Variants in PACSIN1 observed in about 807,000 individuals in gnomAD.
The protein encoded by PACSIN1 is protein kinase C and casein kinase substrate in neurons protein 1.
In PACSIN1, 15 loss-of-function variants were observed where a neutral mutation model predicts 59.5. That is an observed-to-expected ratio of 0.25 (90% CI 0.17 to 0.39). The LOEUF (loss-of-function observed/expected upper bound fraction) is 0.39. Ranked by LOEUF, PACSIN1 falls within the 10% of genes least tolerant of loss-of-function variation. The pLI, the probability that PACSIN1 is intolerant of heterozygous loss-of-function variation, is 1.00. For synonymous variants in PACSIN1, 210 were observed against 220.6 expected (o/e 0.95, Z 0.42); for missense variants, 420 against 580.2 (o/e 0.72, Z 2.84).
chr6:34,521,976 G>C lies in PACSIN1; in HGVS notation c.-63-4267G>C, dbSNP rs183287774. Among the ~76,000 whole-genome samples, 1 of 152,206 alleles carries C rather than the reference G, an allele frequency of 6.6e-6. No homozygotes were observed. Among genetic ancestry groups the C allele is most frequent in the African/African-American group, 2.4e-5 (1 of 41,442 alleles). On this transcript the variant is annotated intron_variant, in intron 1 of 9. Coordinates refer to ENST00000244458, the MANE Select transcript of PACSIN1 (RefSeq NM_020804.5). This position sits in a 1 kb window ranked among gnomAD's most constrained non-coding sequence, Gnocchi z 4.3. ...CCTACTCTGCGCTGCACAGGCCCCA[G>C]GGTCAAGTCCTTACTCTGCCACCTG... is the stretch of plus-strand genomic sequence containing the variant.
In PACSIN1 at chr6:34,521,009, G is replaced by A. The variant is rs530122955; in HGVS notation, c.-63-5234G>A. ...CTGTTTATTAAGTGAATGTTAGAAG[G>A]TCCTTGGCATTTATTCATTCATTCA... On this transcript the variant is annotated intron_variant, in intron 1 of 9. Coordinates refer to ENST00000244458, the MANE Select transcript of PACSIN1 (RefSeq NM_020804.5). This position sits in a 1 kb window ranked among gnomAD's most constrained non-coding sequence, Gnocchi z 4.3. Among the ~76,000 whole-genome samples the A allele has an allele frequency of 6.6e-6, 1 of 152,320 alleles. No homozygotes were observed. The highest frequency in any genetic ancestry group is 1.5e-5 in the Non-Finnish European group (1 of 68,026).
chr6:34,510,356 A>T (rs1422897157), intron 1 of PACSIN1, among the ~76,000 whole-genome samples: 1 of 152,222 alleles, frequency 6.6e-6, no homozygotes, highest in African/African-American at 2.4e-5. Flanking sequence ...TTAGAATAAA[A>T]TTCAGAGTCC....
At position 34,488,858 on chromosome 6, in the gene PACSIN1, C is replaced by A. The variant is rs1766830139; in HGVS notation, c.-64+22588C>A. Among the ~76,000 whole-genome samples the A allele has an allele frequency of 6.6e-6, 1 of 152,140 alleles. No homozygotes were observed. Among genetic ancestry groups the A allele is most frequent in the African/African-American group, 2.4e-5 (1 of 41,440 alleles). ...TACAGGCGTGAGCCACCTCACCCGG[C>A]CTATTATTTTTTAAAGTGACAAATA... On this transcript the variant is annotated intron_variant, in intron 1 of 9. Coordinates refer to ENST00000244458, the MANE Select transcript of PACSIN1 (RefSeq NM_020804.5). The surrounding 1 kb of genome is among the most constrained non-coding windows in gnomAD (Gnocchi z 4.7).
chr6:34,522,809 A>G (rs1007813435), intron 1 of PACSIN1, among the ~76,000 whole-genome samples: 1 of 152,224 alleles, frequency 6.6e-6, no homozygotes, highest in Admixed American at 6.5e-5. Context: ...CCCGAGTCCA[A>G]AGGCCACAGA....
chr6:34,529,921 C>G lies in PACSIN1; in HGVS notation c.788+80C>G. On this transcript the variant is annotated intron_variant, in intron 6 of 9. Transcript: ENST00000244458. The surrounding 1 kb of genome is among the most constrained non-coding windows in gnomAD (Gnocchi z 6.3). ...CTGGCATGCAGGGCATCCCAGCCCTCCATCACAGTGACGGGAAGGGGAGGC... is the reference window on the plus strand; with the variant it reads ...CTGGCATGCAGGGCATCCCAGCCCTGCATCACAGTGACGGGAAGGGGAGGC... 1 of 1,445,280 alleles carries G rather than the reference C, an allele frequency of 6.9e-7. No individual in the cohort carries two copies. Among genetic ancestry groups the G allele is most frequent in the Non-Finnish European group, 9.5e-7 (1 of 1,056,750 alleles). 89.5% of individuals were successfully genotyped at this position (1,445,280 alleles called of 1,614,324 possible). A position where few individuals can be genotyped will look rare whatever the true frequency, so the allele number is the denominator to read the frequency against.
At chr6:34,526,154 C>T (rs1478796091) in intron 1 of PACSIN1, 89 bp from the exon 2 acceptor site, 2 of 615,860 alleles carry the variant, frequency 3.2e-6, no homozygotes, top group East Asian at 5.7e-5. Flanking sequence ...CTCCCTGGGT[C>T]CCATCGGTTT....
At chr6:34,517,848 G>A (rs1767319520) in intron 1 of PACSIN1, among the ~76,000 whole-genome samples, 1 of 152,122 alleles carries the variant, frequency 6.6e-6, no homozygotes, top group South Asian at 2.1e-4. Flanking sequence ...TCTCTAGAAT[G>A]TCAGCCCCAC....
intron 1 of PACSIN1, among the ~76,000 whole-genome samples, chr6:34,493,462 C>A (rs977288621): frequency 6.6e-6 from 1 of 152,164 alleles, no homozygotes; most frequent in Admixed American, 6.5e-5. Context: ...GATATGTGTG[C>A]CAAACTTCAG....
At chr6:34,496,941 C>CTCT (rs34462425) in intron 1 of PACSIN1, among the ~76,000 whole-genome samples, 12 of 100,838 alleles carry the variant, frequency 1.2e-4, no homozygotes, top group African/African-American at 3.2e-4. Flanking sequence ...CTCTCTCTCT[C>CTCT]TTTTTTTTTT....
In PACSIN1 at chr6:34,530,197, C is replaced by A; in HGVS notation, c.789-46C>A. ...CCTCTCACCAAGGTTGAGGAGGGGC[C>A]ATGTTGAATCTGTGCCCTCCACCTC... On this transcript the variant is annotated intron_variant, in intron 6 of 9. Coordinates refer to ENST00000244458, the MANE Select transcript of PACSIN1 (RefSeq NM_020804.5). The surrounding 1 kb of genome is among the most constrained non-coding windows in gnomAD (Gnocchi z 4.4). The A allele has an allele frequency of 6.4e-7, 1 of 1,571,318 alleles. No individual in the cohort carries two copies. Among genetic ancestry groups the A allele is most frequent in the Non-Finnish European group, 8.7e-7 (1 of 1,153,784 alleles).
intron 1 of PACSIN1, among the ~76,000 whole-genome samples, chr6:34,486,491 C>T (rs1264908670): frequency 6.6e-6 from 1 of 152,150 alleles, no homozygotes; most frequent in Non-Finnish European, 1.5e-5. Context: ...ACATCCTGCC[C>T]CTCCCGCTTC....
chr6:34,529,334 G>T lies in PACSIN1; in HGVS notation c.457-63G>T. 1 of 1,582,910 alleles carries T rather than the reference G, an allele frequency of 6.3e-7. No homozygotes were observed. Among genetic ancestry groups the T allele is most frequent in the Non-Finnish European group, 8.7e-7 (1 of 1,155,222 alleles). On this transcript the variant is annotated intron_variant, in intron 4 of 9. Transcript: ENST00000244458. The surrounding 1 kb of genome is among the most constrained non-coding windows in gnomAD (Gnocchi z 6.3). ...GGAGTGGGCAGGGGAGGAGTTAATG[G>T]GTGACCATGTTTGCTGCTGGTCACA...
chr6:34,528,699 A>T lies in PACSIN1; in HGVS notation c.278A>T (p.Lys93Met), dbSNP rs990630775. Residue 93 changes from lysine to methionine, a missense_variant, in exon 4 of 10, where the codon AAG (lysine) becomes ATG (methionine). Coordinates refer to ENST00000244458, the MANE Select transcript of PACSIN1 (RefSeq NM_020804.5). Reference sequence around the variant, plus strand: ...GGTGCCATAATGACAGAGGCAGACAAGGTGAGCGAGCTGCACCAGGAGGTG... The same window carrying T: ...GGTGCCATAATGACAGAGGCAGACATGGTGAGCGAGCTGCACCAGGAGGTG... ...AWGAIMTEAD[K>M]VSELHQEVKN... 2 of 1,614,098 alleles carry T rather than the reference A, an allele frequency of 1.2e-6. No homozygotes were observed. Among genetic ancestry groups the T allele is most frequent in the Middle Eastern group, 1.6e-4 (1 of 6,062 alleles).
In PACSIN1 at chr6:34,518,006, G is replaced by A. The variant is rs1767323054; in HGVS notation, c.-63-8237G>A. On this transcript the variant is annotated intron_variant, in intron 1 of 9. Transcript: ENST00000244458. This position sits in a 1 kb window ranked among gnomAD's most constrained non-coding sequence, Gnocchi z 4.4. ...GGGGGCCTATGATTCTGTCCTCACA[G>A]GGGAAGATGATGCCCACCTACCTGA... Among the ~76,000 whole-genome samples, 1 of 152,206 alleles carries A rather than the reference G, an allele frequency of 6.6e-6. No homozygotes were observed. The highest frequency in any genetic ancestry group is 2.4e-5 in the African/African-American group (1 of 41,446).
At chr6:34,467,658 A>C (rs1766515940) in intron 1 of PACSIN1, among the ~76,000 whole-genome samples, 1 of 147,236 alleles carries the variant, frequency 6.8e-6, no homozygotes, top group Non-Finnish European at 1.5e-5. Context: ...TCCCGGGTTC[A>C]AGCGATTCTC....
chr6:34,476,643 T>C (rs1157948380), intron 1 of PACSIN1, among the ~76,000 whole-genome samples: 2 of 152,268 alleles, frequency 1.3e-5, no homozygotes, highest in East Asian at 3.9e-4. Flanking sequence ...GCCAGCCCCT[T>C]GTCATTGGCC....
Position 34,515,370 on chromosome 6 carries a change from A to G in PACSIN1, c.-63-10873A>G, listed in dbSNP as rs923982249. Among the ~76,000 whole-genome samples the G allele has an allele frequency of 6.6e-6, 1 of 152,184 alleles. No individual in the cohort carries two copies. The highest frequency in any genetic ancestry group is 2.4e-5 in the African/African-American group (1 of 41,448). On this transcript the variant is annotated intron_variant, in intron 1 of 9. Transcript: ENST00000244458. The surrounding 1 kb of genome is among the most constrained non-coding windows in gnomAD (Gnocchi z 4.4). ...AGCCATGCCCCCTCCTTGGGGCAGC[A>G]GGCCGAGGGAGGCTGGAGCCTCCAG...
Position 34,530,161 on chromosome 6 carries a change from G to C in PACSIN1, c.789-82G>C. 1 of 1,502,556 alleles carries C rather than the reference G, an allele frequency of 6.7e-7. No individual in the cohort carries two copies. The highest frequency in any genetic ancestry group is 1.4e-5 in the African/African-American group (1 of 72,118). The allele number at this position is 1,502,556 out of a possible 1,614,324, so 93.1% of individuals were successfully genotyped here. On this transcript the variant is annotated intron_variant, in intron 6 of 9. Coordinates refer to ENST00000244458, the MANE Select transcript of PACSIN1 (RefSeq NM_020804.5). The surrounding 1 kb of genome is among the most constrained non-coding windows in gnomAD (Gnocchi z 4.4). Reference sequence around the variant, plus strand: ...CATGCCCAGCACCCTGCTTCCCTGAGTGGACTCTGGCCTCTCACCAAGGTT... The same window carrying C: ...CATGCCCAGCACCCTGCTTCCCTGACTGGACTCTGGCCTCTCACCAAGGTT...
chr6:34,473,307 G>T (rs1338101599), intron 1 of PACSIN1, among the ~76,000 whole-genome samples: 1 of 152,102 alleles, frequency 6.6e-6, no homozygotes, highest in African/African-American at 2.4e-5. Context: ...GGTCTCAGGG[G>T]CTGGGGAGGA....
Sources: allele counts gnomAD v4.1 joint callset (sites outside exome capture counted in the v4.1 genomes callset), GRCh38; gene constraint gnomAD v4.1.1; non-coding constraint Gnocchi (gnomAD v3.1); transcripts MANE v1.5; gene names NCBI Gene and HGNC (gene_info 2026-07-23, HGNC 2026-07-21).